Variants in ABCA8 observed in about 807,000 individuals in gnomAD.
The protein encoded by ABCA8 is ATP binding cassette subfamily A member 8.
Under a neutral mutation model 192.3 loss-of-function variants are expected in ABCA8, and 177 were observed. That is an observed-to-expected ratio of 0.92 (90% CI 0.81 to 1.04). The LOEUF is 1.04. Among genes scored for constraint, ABCA8 ranks in the 50% least tolerant of loss-of-function variants. The probability of loss-of-function intolerance (pLI) is 0.00; values close to 1 mark genes in which losing one functional copy is unlikely to be tolerated. For synonymous variants in ABCA8, 642 were observed against 690.2 expected, an observed-to-expected ratio of 0.93 and a Z score of 1.09; for missense variants, 1,915 against 1,904.8, an observed-to-expected ratio of 1.01 and a Z score of -0.10.
intron 29 of ABCA8, 94 bp from the exon 30 acceptor site, chr17:68,882,813 C>A: frequency 8.3e-7 from 1 of 1,199,200 alleles, no homozygotes; most frequent in Non-Finnish European, 1.2e-6. Context: ...GTAGTACGAG[C>A]AATTAACAAA....
chr17:68,924,397 A>T (rs988795672), intron 11 of ABCA8, among the ~76,000 whole-genome samples: 1 of 151,890 alleles, frequency 6.6e-6, no homozygotes, highest in Admixed American at 6.6e-5. Context: ...TGAATAACTG[A>T]GACCCAGAAA....
rs767327970 is a variant in ABCA8 at position 68,887,029 on chromosome 17, A to C, written c.3417T>G (p.Phe1139Leu). The C allele has an allele frequency of 2.2e-5, 36 of 1,602,292 alleles. No individual in the cohort carries two copies. The South Asian group carries it at 4.0e-4, about 18-fold the overall frequency. Residue 1139 changes from phenylalanine (F) to leucine (L), a missense_variant, in exon 26 of 40, where the codon TTT becomes TTG. Phe to Leu is a conservative substitution (Grantham distance 22, BLOSUM62 0). Coordinates refer to ENST00000586539, the MANE Select transcript of ABCA8 (RefSeq NM_001288985.2). ...KGRKNSGIWS[F>L]CFYVVTVFSV... ...GAAATATACTTACAACATAGAAACAAAATGACCAAATGCCACTATTTTTTC... is the reference window on the plus strand; with the variant it reads ...GAAATATACTTACAACATAGAAACACAATGACCAAATGCCACTATTTTTTC...
intron 21 of ABCA8, 63 bp downstream of exon 21, chr17:68,902,650 A>T (rs1408361093): frequency 7.6e-7 from 1 of 1,315,684 alleles, no homozygotes; most frequent in East Asian, 2.5e-5. Flanking sequence ...TCTCATGGTT[A>T]TGTTTTCTAA....
chr17:68,880,517 C>T (rs1480975768), intron 32 of ABCA8, among the ~76,000 whole-genome samples: 1 of 152,128 alleles, frequency 6.6e-6, no homozygotes, highest in Non-Finnish European at 1.5e-5. Context: ...CTTCGGGGAT[C>T]CCAGACTTAG....
intron 2 of ABCA8, among the ~76,000 whole-genome samples, chr17:68,947,090 A>G (rs1341561772): frequency 6.6e-6 from 1 of 152,176 alleles, no homozygotes; most frequent in African/African-American, 2.4e-5. Context: ...TGCATATTGG[A>G]AACATTTTGA....
intron 17 of ABCA8, 96 bp downstream of exon 17, chr17:68,917,265 A>G: frequency 1.3e-6 from 1 of 749,882 alleles, no homozygotes; most frequent in South Asian, 2.4e-5. Flanking sequence ...AACAAAAAAT[A>G]ACAATAATAC....
intron 23 of ABCA8, among the ~76,000 whole-genome samples, chr17:68,893,721 C>T (rs1254231677): frequency 1.3e-4 from 17 of 127,696 alleles, no homozygotes; most frequent in Non-Finnish European, 2.1e-4. Context: ...TTCATATTCT[C>T]TTTTTTTTTT....
chr17:68,900,538 CAAAAAAAAAAA>C (rs35696026), intron 21 of ABCA8, among the ~76,000 whole-genome samples: 2 of 108,894 alleles, frequency 1.8e-5, no homozygotes, highest in Non-Finnish European at 3.8e-5. Flanking sequence ...CACAAAGTCT[CAAAAAAAAAAA>C]AAAAAAAAAA....
At chr17:68,870,764 T>C (rs2066027710) in intron 37 of ABCA8, among the ~76,000 whole-genome samples, 1 of 152,202 alleles carries the variant, frequency 6.6e-6, no homozygotes, top group Non-Finnish European at 1.5e-5. Flanking sequence ...CTTAGACTGT[T>C]TACACATCTT....
chr17:68,882,492 C>G, intron 30 of ABCA8, 107 bp downstream of exon 30: 1 of 980,010 alleles, frequency 1.0e-6, no homozygotes, highest in Non-Finnish European at 1.4e-6. Flanking sequence ...ATGGCAATTA[C>G]CTACTAAAAT....
intron 17 of ABCA8, among the ~76,000 whole-genome samples, chr17:68,913,158 A>G (rs1036088789): frequency 1.3e-5 from 2 of 152,184 alleles, no homozygotes; most frequent in Non-Finnish European, 1.5e-5. Context: ...CCAGTGTGTC[A>G]AGGAAGAAAT....
chr17:68,908,182 G>A (rs536922687), intron 17 of ABCA8, among the ~76,000 whole-genome samples: 1 of 152,256 alleles, frequency 6.6e-6, no homozygotes, highest in South Asian at 2.1e-4. Context: ...AGAGAGGGTG[G>A]TCACAGAGTG....
intron 17 of ABCA8, among the ~76,000 whole-genome samples, chr17:68,916,729 A>T (rs2067376730): frequency 6.6e-6 from 1 of 152,120 alleles, no homozygotes; most frequent in Non-Finnish European, 1.5e-5. Context: ...ATATATTAAC[A>T]CCCTGGGAAG....
chr17:68,953,898 G>A (rs1024196851), intron 1 of ABCA8, among the ~76,000 whole-genome samples: 1 of 152,092 alleles, frequency 6.6e-6, no homozygotes, highest in African/African-American at 2.4e-5. Context: ...GTATAATGCC[G>A]CTCTCTGTAA....
intron 37 of ABCA8, among the ~76,000 whole-genome samples, chr17:68,872,151 A>T (rs2066074495): frequency 6.6e-6 from 1 of 151,980 alleles, no homozygotes; most frequent in South Asian, 2.1e-4. Context: ...TTGCGGCATT[A>T]TTCACAATAG....
At position 68,876,677 on chromosome 17, in the gene ABCA8, T is replaced by TC. The variant is rs760929226; in HGVS notation, c.4225dup (p.Asp1409GlyfsTer35). Reference sequence around the variant, plus strand: ...GGTCTTCACGGGAGACTTCAGCTGGTCCTGCAGCTTGAGCGCATCCACTAA... The same window carrying TC: ...GGTCTTCACGGGAGACTTCAGCTGGTCCCTGCAGCTTGAGCGCATCCACTAA... On this transcript the variant is annotated frameshift_variant, in exon 34 of 40. Coordinates refer to ENST00000586539, the MANE Select transcript of ABCA8 (RefSeq NM_001288985.2). LOFTEE classifies it high-confidence loss of function. 6.2e-7 allele frequency: 1 copy of TC among 1,614,188 alleles called. No individual in the cohort carries two copies. The highest frequency in any genetic ancestry group is 1.7e-5 in the Admixed American group (1 of 60,034).
chr17:68,890,548 T>C (rs1425551255), intron 24 of ABCA8, among the ~76,000 whole-genome samples: 1 of 152,234 alleles, frequency 6.6e-6, no homozygotes, highest in Non-Finnish European at 1.5e-5. Flanking sequence ...AGATGGAGTC[T>C]CGGTCTGTTG....
chr17:68,882,285 A>G (rs759715994), intron 30 of ABCA8, among the ~76,000 whole-genome samples: 36 of 152,174 alleles, frequency 2.4e-4, no homozygotes, highest in Non-Finnish European at 4.7e-4. Context: ...TCCTCAAACA[A>G]CAAAACAAAT....
intron 19 of ABCA8, 117 bp downstream of exon 19, chr17:68,905,927 C>G (rs947856643): frequency 1.0e-6 from 1 of 996,520 alleles, no homozygotes; most frequent in Non-Finnish European, 1.4e-6. Flanking sequence ...CATTTTTACA[C>G]AAGCTTGTCT....
Sources: allele counts gnomAD v4.1 joint callset (sites outside exome capture counted in the v4.1 genomes callset), GRCh38; gene constraint gnomAD v4.1.1; transcripts MANE v1.5; gene names NCBI Gene and HGNC (gene_info 2026-07-23, HGNC 2026-07-21).